The following NEDD4L variants were observed in gnomAD, a reference collection of about 807,000 sequenced individuals.
NEDD4L encodes the protein NEDD4 like E3 ubiquitin protein ligase, also known as E3 ubiquitin-protein ligase NEDD4-like.
Under a neutral mutation model 148.9 loss-of-function variants are expected in NEDD4L, and 54 were observed. The observed-to-expected ratio is 0.36, with a 90% CI of 0.29 to 0.45. The LOEUF (loss-of-function observed/expected upper bound fraction) is 0.45. Ranked by LOEUF, NEDD4L falls within the 20% of genes least tolerant of loss-of-function variation. NEDD4L has a pLI of 1.00. For synonymous variants in NEDD4L, 433 were observed against 440.7 expected (o/e 0.98, Z 0.22); for missense variants, 856 against 1,233.8 (o/e 0.69, Z 4.59).
intron 2 of NEDD4L, among the ~76,000 whole-genome samples, chr18:58,215,408 C>T (rs1349702335): frequency 6.6e-6 from 1 of 152,086 alleles, no homozygotes; most frequent in Non-Finnish European, 1.5e-5. Context: ...TTTATATTTC[C>T]ATTTTTATCC....
intron 2 of NEDD4L, among the ~76,000 whole-genome samples, chr18:58,239,886 A>G (rs1410298159): frequency 1.3e-5 from 2 of 152,366 alleles, no homozygotes; most frequent in Non-Finnish European, 2.9e-5. Flanking sequence ...GCAGAGGCCC[A>G]GAAGAGAGAA....
intron 2 of NEDD4L, among the ~76,000 whole-genome samples, chr18:58,236,236 A>G (rs774402540): frequency 6.6e-5 from 10 of 151,948 alleles, no homozygotes; most frequent in Non-Finnish European, 1.2e-4. Context: ...GTGTGTCTGT[A>G]GTCCCAGCTA....
At chr18:58,195,777 T>A in intron 2 of NEDD4L, 1 of 1,188,012 alleles carries the variant, frequency 8.4e-7, no homozygotes. Context: ...ACTCGATTAG[T>A]GCCCACAGCA....
intron 5 of NEDD4L, among the ~76,000 whole-genome samples, chr18:58,309,247 G>C (rs1601019251): frequency 6.6e-6 from 1 of 152,132 alleles, no homozygotes. Flanking sequence ...CGAGCCCTCA[G>C]CCGGATGCTC....
chr18:58,149,392 C>A, intron 1 of NEDD4L: 1 of 1,464,500 alleles, frequency 6.8e-7, no homozygotes, highest in Non-Finnish European at 9.1e-7. Context: ...GTTAAAACTT[C>A]TCTCCTGTGA....
At position 58,174,447 on chromosome 18, in the gene NEDD4L, G is replaced by A. The variant is rs190202334; in HGVS notation, c.122+8586G>A. Among the ~76,000 whole-genome samples the A allele has an allele frequency of 3.7e-3, 562 of 152,216 alleles. 1 individual carries two copies. The highest frequency in any genetic ancestry group is 0.012 in the African/African-American group (508 of 41,532). ...TTTGGCTCGAAGGTGGGGTTTCACC[G>A]GGGACCCGCCCCTATCTGCCCAGGC... On this transcript the variant is annotated intron_variant, in intron 2 of 30. Coordinates refer to ENST00000400345, the MANE Select transcript of NEDD4L (RefSeq NM_001144967.3).
At chr18:58,082,376 G>A (rs1327046308) in intron 1 of NEDD4L, among the ~76,000 whole-genome samples, 5 of 150,248 alleles carry the variant, frequency 3.3e-5, no homozygotes, top group Non-Finnish European at 7.4e-5. Context: ...AAAGTGCTGG[G>A]ATTACAGGCC....
At chr18:58,379,709 G>A (rs1439947043) in intron 24 of NEDD4L, among the ~76,000 whole-genome samples, 2 of 152,190 alleles carry the variant, frequency 1.3e-5, no homozygotes, top group South Asian at 2.1e-4. Context: ...GTCACGATCA[G>A]CCCCCGACAG....
intron 1 of NEDD4L, among the ~76,000 whole-genome samples, chr18:58,118,429 A>T (rs1012397383): frequency 3.9e-5 from 6 of 152,204 alleles, no homozygotes; most frequent in African/African-American, 1.4e-4. Flanking sequence ...TCTTTTATGG[A>T]TATAACTAGA....
chr18:58,385,388 A>T (rs2048876082), intron 25 of NEDD4L, 138 bp from the exon 26 acceptor site: 1 of 752,312 alleles, frequency 1.3e-6, no homozygotes. Flanking sequence ...TGAATAAACT[A>T]AACAGTGGGG....
intron 1 of NEDD4L, among the ~76,000 whole-genome samples, chr18:58,086,489 T>C (rs895458645): frequency 2.3e-4 from 35 of 152,190 alleles, no homozygotes; most frequent in African/African-American, 8.4e-4. Flanking sequence ...ACTATTTGAA[T>C]GTATTACTCA....
chr18:58,342,601 G>T (rs1264371468), intron 15 of NEDD4L, among the ~76,000 whole-genome samples: 1 of 152,036 alleles, frequency 6.6e-6, no homozygotes. Context: ...AAGAGCAAGG[G>T]CACATTTTTC....
intron 4 of NEDD4L, among the ~76,000 whole-genome samples, chr18:58,250,525 T>C (rs1313707062): frequency 1.3e-5 from 2 of 152,212 alleles, no homozygotes; most frequent in African/African-American, 4.8e-5. Flanking sequence ...TGGTAAGCAG[T>C]GTGACCCTTC....
intron 5 of NEDD4L, among the ~76,000 whole-genome samples, chr18:58,263,720 C>T (rs1240456061): frequency 7.7e-6 from 1 of 129,220 alleles, no homozygotes; most frequent in Non-Finnish European, 1.6e-5. Context: ...TAGGTAGTTA[C>T]CTCATGAAGG....
chr18:58,049,495 A>AAG (rs1395816383), intron 1 of NEDD4L, among the ~76,000 whole-genome samples: 9 of 152,182 alleles, frequency 5.9e-5, no homozygotes, highest in African/African-American at 1.9e-4. Flanking sequence ...CCGTTTTCTG[A>AAG]AGAGAGAGAA....
Position 58,364,327 on chromosome 18 carries a change from G to A in NEDD4L, c.1827G>A (p.Lys609=), listed in dbSNP as rs1486499909. Residue 609 remains lysine, a synonymous_variant, in exon 20 of 31, where the codon AAG becomes AAA. Transcript: ENST00000400345. The part of the protein sequence containing the change: ...QKYDYFRKKL[K]KPADIPNRFE... ...ATGACTACTTCAGGAAGAAATTAAA[G>A]AAACCTGTGAGTAATCATGCCTTCC... The A allele has an allele frequency of 3.9e-6, 6 of 1,553,348 alleles. No homozygotes were observed. Among genetic ancestry groups the A allele is most frequent in the South Asian group, 3.6e-5 (3 of 83,598 alleles).
intron 5 of NEDD4L, among the ~76,000 whole-genome samples, chr18:58,283,115 G>T (rs766248798): frequency 6.6e-6 from 1 of 151,740 alleles, no homozygotes; most frequent in Non-Finnish European, 1.5e-5. Flanking sequence ...TCGCTCTGTC[G>T]CCCAGGCTGG....
intron 5 of NEDD4L, among the ~76,000 whole-genome samples, chr18:58,281,561 A>G (rs1045963392): frequency 6.6e-6 from 1 of 152,088 alleles, no homozygotes; most frequent in African/African-American, 2.4e-5. Context: ...TCATTGTCCT[A>G]GCTCTCCATG....
intron 8 of NEDD4L, among the ~76,000 whole-genome samples, chr18:58,324,236 CG>C (rs1421301008): frequency 6.6e-6 from 1 of 152,192 alleles, no homozygotes; most frequent in Admixed American, 6.5e-5. Context: ...GCCTTCCAAC[CG>C]CAGTAACCAG....
Sources: allele counts gnomAD v4.1 joint callset (sites outside exome capture counted in the v4.1 genomes callset), GRCh38; gene constraint gnomAD v4.1.1; transcripts MANE v1.5; gene names NCBI Gene and HGNC (gene_info 2026-07-23, HGNC 2026-07-21).